Variants in CDC42BPG observed in about 807,000 individuals in gnomAD.
The protein encoded by CDC42BPG is CDC42 binding protein kinase gamma.
In CDC42BPG, 157 loss-of-function variants were observed where a neutral mutation model predicts 192.2. That is an observed-to-expected ratio of 0.82 (90% confidence interval 0.72 to 0.93). The LOEUF is 0.93. CDC42BPG is among the 40% of genes least tolerant of loss of function. The pLI is 0.00. For missense variants in CDC42BPG, 1,992 were observed against 2,122.1 expected, an observed-to-expected ratio of 0.94 and a Z score of 1.20; for synonymous variants, 981 against 918.5, an observed-to-expected ratio of 1.07 and a Z score of -1.23.
rs766236428 is a variant in CDC42BPG at position 64,840,196 on chromosome 11, G to C, written c.505C>G (p.Pro169Ala). The C allele has an allele frequency of 6.2e-7, 1 of 1,613,238 alleles. No homozygotes were observed. Among genetic ancestry groups the C allele is most frequent in the Non-Finnish European group, 8.5e-7 (1 of 1,180,004 alleles). Residue 169 changes from proline (P) to alanine (A), a missense_variant, in exon 5 of 37, where the codon CCC becomes GCC. Physicochemically the swap from Pro to Ala is conservative, Grantham distance 27. Coordinates refer to ENST00000342711, the MANE Select transcript of CDC42BPG (RefSeq NM_017525.3). ...LLSRFEDRLP[P>A]ELAQFYLAEM... ...GCCAGGTAGAACTGGGCCAGCTCGGGCGGGAGACGGTCCTCGAAGCGGCTC... is the reference window on the plus strand; with the variant it reads ...GCCAGGTAGAACTGGGCCAGCTCGGCCGGGAGACGGTCCTCGAAGCGGCTC...
chr11:64,828,306 C>A (rs1429183325), intron 30 of CDC42BPG, among the ~76,000 whole-genome samples: 1 of 151,966 alleles, frequency 6.6e-6, no homozygotes, highest in African/African-American at 2.4e-5. Flanking sequence ...CACTCTTCCA[C>A]TCATTCCTCC....
chr11:64,828,224 C>T (rs1202232233), intron 30 of CDC42BPG, among the ~76,000 whole-genome samples: 3 of 152,194 alleles, frequency 2.0e-5, no homozygotes, highest in Non-Finnish European at 4.4e-5. Context: ...CCCTCTCTTC[C>T]AGCCCTTACC....
At position 64,834,255 on chromosome 11, in the gene CDC42BPG, C is replaced by A; in HGVS notation, c.2413+11G>T. On this transcript the variant is annotated intron_variant, in intron 20 of 36. Transcript: ENST00000342711. ...GCCTGGCTCCGGGGCAAGCAGTTGG[C>A]AGCCACTCACCCACTGGCCCTCGGG... 6.4e-7 allele frequency: 1 copy of A among 1,559,578 alleles called. No individual in the cohort carries two copies. The highest frequency in any genetic ancestry group is 8.6e-7 in the Non-Finnish European group (1 of 1,158,366).
chr11:64,831,788 TC>T, intron 27 of CDC42BPG, 67 bp from the exon 28 acceptor site: 1 of 1,423,308 alleles, frequency 7.0e-7, no homozygotes, highest in Non-Finnish European at 9.5e-7. Context: ...CCTTCCTGCC[TC>T]CAGCAGCCGC....
chr11:64,835,995 C>A, intron 13 of CDC42BPG, 122 bp downstream of exon 13: 1 of 1,337,812 alleles, frequency 7.5e-7, no homozygotes, highest in South Asian at 1.4e-5. Flanking sequence ...GCCACCATCC[C>A]CTGGCCTAGC....
At position 64,828,051 on chromosome 11, in the gene CDC42BPG, T is replaced by G. The variant is rs528114819; in HGVS notation, c.3968-268A>C. On this transcript the variant is annotated intron_variant, in intron 30 of 36. Transcript: ENST00000342711. Reference sequence around the variant, plus strand: ...AGTACTACTGTTATAATCCCTAATTTCCAGATGAGGGAATGGAACCCCTGG... The same window carrying G: ...AGTACTACTGTTATAATCCCTAATTGCCAGATGAGGGAATGGAACCCCTGG... Among the ~76,000 whole-genome samples, 3 of 152,228 alleles carry G rather than the reference T, an allele frequency of 2.0e-5. No individual in the cohort carries two copies. The South Asian group carries it at 6.2e-4, about 32-fold the overall frequency.
At chr11:64,836,691 G>A in intron 11 of CDC42BPG, 48 bp downstream of exon 11, 1 of 1,095,348 alleles carries the variant, frequency 9.1e-7, no homozygotes, top group Non-Finnish European at 1.2e-6. Flanking sequence ...CCCGAGCCCA[G>A]GTGGGACTCA....
At chr11:64,842,020 C>T (rs1309297378) in intron 1 of CDC42BPG, 116 bp from the exon 2 acceptor site, 3 of 783,786 alleles carry the variant, frequency 3.8e-6, no homozygotes, top group Non-Finnish European at 6.4e-6. Context: ...ATGACCTCCC[C>T]AGGGACAGCC....
chr11:64,827,379 G>A lies in CDC42BPG; in HGVS notation c.4170C>T (p.Ile1390=), dbSNP rs1458872712. ...NQLAEKDEFD[I]PDLTDNSRRQ... The stretch of plus-strand genomic sequence containing the variant: ...GCCGGCTGTTGTCGGTGAGGTCCGG[G>A]ATGTCGAACTCGTCCTTCTCTGTGG... Residue 1390 remains isoleucine, a synonymous_variant, in exon 33 of 37, where the codon ATC becomes ATT. Transcript: ENST00000342711. 1 of 1,613,818 alleles carries A rather than the reference G, an allele frequency of 6.2e-7. No individual in the cohort carries two copies. Among genetic ancestry groups the A allele is most frequent in the Non-Finnish European group, 8.5e-7 (1 of 1,179,710 alleles).
intron 9 of CDC42BPG, among the ~76,000 whole-genome samples, chr11:64,837,522 G>A (rs1035493759): frequency 6.6e-6 from 1 of 152,182 alleles, no homozygotes; most frequent in African/African-American, 2.4e-5. Context: ...GTGCAGTGGC[G>A]CAATCTCAGC....
chr11:64,837,406 A>G (rs1340317950), intron 9 of CDC42BPG, among the ~76,000 whole-genome samples: 6 of 152,268 alleles, frequency 3.9e-5, no homozygotes, highest in Admixed American at 2.0e-4. Flanking sequence ...CTCAGAGCAC[A>G]CCGCACCAGG....
In CDC42BPG at chr11:64,829,971, C is replaced by A; in HGVS notation, c.3467G>T (p.Arg1156Leu). Residue 1156 changes from arginine (R) to leucine (L), a missense_variant, in exon 30 of 37, where the codon CGT becomes CTT. Physicochemically the swap from Arg to Leu is moderately radical, Grantham distance 102 (BLOSUM62 -2). Transcript: ENST00000342711. The stretch of plus-strand genomic sequence containing the variant: ...CTCCAGCTCCGCCAGGGCAAAGAGA[C>A]GCACGCTGGGGCCGCGGCCACACAG... Reference protein sequence around the residue: ...VVLCGRGPSVRLFALAELENI... With the variant: ...VVLCGRGPSVLLFALAELENI... The A allele has an allele frequency of 6.2e-7, 1 of 1,612,784 alleles. No individual in the cohort carries two copies. Among genetic ancestry groups the A allele is most frequent in the Non-Finnish European group, 8.5e-7 (1 of 1,179,814 alleles).
At position 64,827,368 on chromosome 11, in the gene CDC42BPG, G is replaced by A. The variant is rs1942479190; in HGVS notation, c.4181C>T (p.Thr1394Ile). 6.2e-7 allele frequency: 1 copy of A among 1,614,110 alleles called. No homozygotes were observed. The change falls in exon 33 of 37, where the codon ACC becomes ATC. Residue 1394 changes from threonine (T) to isoleucine (I), a missense_variant. By Grantham distance (89) the Thr-to-Ile change is moderately conservative. This residue lies in a region of CDC42BPG where 336 missense variants were observed against 277.9 expected (regional missense o/e 1.21). Transcript: ENST00000342711. ...GAACAGCTGGCGCCGGCTGTTGTCG[G>A]TGAGGTCCGGGATGTCGAACTCGTC... ...EKDEFDIPDLTDNSRRQLFRT... is the reference protein window; with the variant it reads ...EKDEFDIPDLIDNSRRQLFRT...
Position 64,836,792 on chromosome 11 carries a change from C to G in CDC42BPG, c.1331G>C (p.Arg444Pro). The G allele has an allele frequency of 2.5e-6, 4 of 1,602,392 alleles. No homozygotes were observed. Among genetic ancestry groups the G allele is most frequent in the African/African-American group, 1.3e-5 (1 of 74,492 alleles). ...QEALHAPTDH[R>P]ELEQLRKEVQ... ...TTCCTTCCGTAGCTGCTCCAGCTCC[C>G]GATGGTCTGTGGGGGCGTGCAGGGC... The change falls in exon 11 of 37, where the codon CGG becomes CCG. Residue 444 changes from arginine to proline, a missense_variant. By Grantham distance (103) the Arg-to-Pro change is moderately radical. Around this residue, in one of 2 missense-constraint regions of CDC42BPG, gnomAD observed 1,656 missense variants for 1,844.3 expected, o/e 0.90. Transcript: ENST00000342711.
In CDC42BPG at chr11:64,823,257, T is replaced by G. The variant is rs1221433414; in HGVS notation, c.*1216A>C. 6.6e-6 allele frequency: 1 copy of G among 151,954 alleles called. No homozygotes were observed. The highest frequency in any genetic ancestry group is 2.4e-5 in the African/African-American group (1 of 41,352). 9.4% of individuals were successfully genotyped at this position (151,954 alleles called of 1,614,324 possible). On this transcript the variant is annotated 3_prime_UTR_variant, in exon 37 of 37. Transcript: ENST00000342711. The stretch of plus-strand genomic sequence containing the variant: ...ACCCGTCACCACGCCCGGCTAATTT[T>G]TTGTATTTTTAGTAGAGATGGGGTT...
chr11:64,826,891 C>T, intron 34 of CDC42BPG, 97 bp from the exon 35 acceptor site: 1 of 1,345,988 alleles, frequency 7.4e-7, no homozygotes, highest in Non-Finnish European at 1.0e-6. Flanking sequence ...CGCCACTGGG[C>T]CCCCAGCCTG....
At chr11:64,831,797 C>T (rs1356577052) in intron 27 of CDC42BPG, 76 bp from the exon 28 acceptor site, 24 of 1,360,524 alleles carry the variant, frequency 1.8e-5, no homozygotes, top group Admixed American at 4.1e-5. Context: ...CTCCAGCAGC[C>T]GCTGTGCCCC....
rs1943416136 is a variant in CDC42BPG, at chr11:64,844,459, G to A, written c.111C>T (p.Ser37=). Reference sequence around the variant, plus strand: ...TGCGCTCCCGCCGTAGGGGGCCGCTGCTGAGCTCGTGGTGCAGCGCCAGCA... The same window carrying A: ...TGCGCTCCCGCCGTAGGGGGCCGCTACTGAGCTCGTGGTGCAGCGCCAGCA... ...DLLLALHHEL[S]SGPLRRERSV... The change falls in exon 1 of 37, where the codon AGC becomes AGT. Residue 37 remains serine, a synonymous_variant. Coordinates refer to ENST00000342711, the MANE Select transcript of CDC42BPG (RefSeq NM_017525.3). 3.4e-6 allele frequency: 5 copies of A among 1,470,428 alleles called. No individual in the cohort carries two copies. The East Asian group carries it at 1.4e-4, about 43-fold the overall frequency. The allele number at this position is 1,470,428 out of a possible 1,614,324, so 91.1% of individuals were successfully genotyped here. A position where few individuals can be genotyped will look rare whatever the true frequency, so the allele number is the denominator to read the frequency against.
Position 64,833,646 on chromosome 11 carries a change from C to A in CDC42BPG, c.2579G>T (p.Arg860Ile). The A allele has an allele frequency of 1.2e-6, 2 of 1,612,320 alleles. No homozygotes were observed. Among genetic ancestry groups the A allele is most frequent in the Non-Finnish European group, 1.7e-6 (2 of 1,179,548 alleles). Residue 860 changes from arginine to isoleucine, a missense_variant, in exon 23 of 37, where the codon AGA (arginine) becomes ATA (isoleucine). Transcript: ENST00000342711. ...RSLRMGAVFPRAPTANTASTE... is the reference protein window; with the variant it reads ...RSLRMGAVFPIAPTANTASTE... ...AGAGGCTGTGTTGGCAGTGGGTGCT[C>A]TGGGGAACACAGCCTGCAGGAGGGC... is the stretch of plus-strand genomic sequence containing the variant.
Sources: allele counts gnomAD v4.1 joint callset (sites outside exome capture counted in the v4.1 genomes callset), GRCh38; gene constraint gnomAD v4.1.1; regional missense constraint gnomAD v4.1.1; transcripts MANE v1.5; gene names NCBI Gene and HGNC (gene_info 2026-07-23, HGNC 2026-07-21).